The following DOCK2 variants were observed in gnomAD, a reference collection of about 807,000 sequenced individuals.
DOCK2 encodes the protein dedicator of cytokinesis protein 2.
Under a neutral mutation model 248.9 loss-of-function variants are expected in DOCK2, and 87 were observed. That is an observed-to-expected ratio of 0.35 (90% CI 0.29 to 0.42). The LOEUF (loss-of-function observed/expected upper bound fraction) is 0.42. Ranked by LOEUF, DOCK2 falls within the 10% of genes least tolerant of loss-of-function variation. The pLI is 1.00. For missense variants in DOCK2, 1,747 were observed against 2,300.2 expected (o/e 0.76, Z 4.92); for synonymous variants, 805 against 821.6 (o/e 0.98, Z 0.35).
At chr5:169,891,333 T>C (rs1007566664) in intron 27 of DOCK2, among the ~76,000 whole-genome samples, 1 of 152,228 alleles carries the variant, frequency 6.6e-6, no homozygotes, top group Non-Finnish European at 1.5e-5. Context: ...CTCCCATTTA[T>C]TGAAGAACTT....
intron 25 of DOCK2, among the ~76,000 whole-genome samples, chr5:169,778,757 G>T (rs1451612960): frequency 1.3e-5 from 2 of 152,208 alleles, no homozygotes; most frequent in Non-Finnish European, 2.9e-5. Context: ...TTCAGCAATT[G>T]AGAGAAACCC....
chr5:169,865,544 T>C (rs1234825373), intron 27 of DOCK2, among the ~76,000 whole-genome samples: 1 of 152,212 alleles, frequency 6.6e-6, no homozygotes, highest in East Asian at 1.9e-4. Flanking sequence ...CTTAATTGTC[T>C]TTCCTCCATG....
At chr5:169,961,067 T>C (rs1232508047) in intron 27 of DOCK2, among the ~76,000 whole-genome samples, 1 of 152,220 alleles carries the variant, frequency 6.6e-6, no homozygotes, top group Non-Finnish European at 1.5e-5. Flanking sequence ...GTATATTGCA[T>C]GAGTGAGTGA....
intron 26 of DOCK2, among the ~76,000 whole-genome samples, chr5:169,820,889 GCTAA>G (rs908047697): frequency 1.2e-4 from 19 of 152,116 alleles, no homozygotes; most frequent in African/African-American, 4.1e-4. Flanking sequence ...TAGATGAATG[GCTAA>G]CTAGAATAAC....
At chr5:170,022,112 A>C (rs114967959) in intron 33 of DOCK2, among the ~76,000 whole-genome samples, 53 of 152,342 alleles carry the variant, frequency 3.5e-4, no homozygotes, top group African/African-American at 1.3e-3. Flanking sequence ...AGTTTCTTGA[A>C]GTTCTCTAGC....
Position 169,689,347 on chromosome 5 carries a change from C to G in DOCK2, c.843+14C>G. The G allele has an allele frequency of 1.2e-6, 2 of 1,613,606 alleles. No homozygotes were observed. Among genetic ancestry groups the G allele is most frequent in the Non-Finnish European group, 1.7e-6 (2 of 1,179,792 alleles). ...GTGGTCTTCACGGTGAGTGTGCACC[C>G]TCTTCTCGTTACCGTGCTCCCCAAC... On this transcript the variant is annotated intron_variant, in intron 9 of 51. Transcript: ENST00000520908.
intron 26 of DOCK2, among the ~76,000 whole-genome samples, chr5:169,832,777 C>A (rs1769311065): frequency 6.6e-6 from 1 of 152,108 alleles, no homozygotes; most frequent in South Asian, 2.1e-4. Flanking sequence ...TTCCATAGAA[C>A]ACAGAATGGA....
At chr5:169,941,655 G>A (rs746282926) in intron 27 of DOCK2, among the ~76,000 whole-genome samples, 5 of 152,156 alleles carry the variant, frequency 3.3e-5, no homozygotes, top group African/African-American at 1.2e-4. Flanking sequence ...GGACCGTGAC[G>A]GCTCCTCCAG....
At chr5:169,748,925 T>C (rs1272769573) in intron 23 of DOCK2, among the ~76,000 whole-genome samples, 6 of 152,224 alleles carry the variant, frequency 3.9e-5, no homozygotes, top group African/African-American at 1.4e-4. Flanking sequence ...TATAAAAGGA[T>C]AAACTGAGGC....
At chr5:169,724,648 C>G (rs1374705007) in intron 22 of DOCK2, among the ~76,000 whole-genome samples, 1 of 152,172 alleles carries the variant, frequency 6.6e-6, no homozygotes, top group Non-Finnish European at 1.5e-5. Flanking sequence ...CGCCTCCAGT[C>G]TAGCTTACCT....
At chr5:170,012,483 C>T (rs151211296) in intron 32 of DOCK2, among the ~76,000 whole-genome samples, 525 of 152,348 alleles carry the variant, frequency 3.4e-3, no homozygotes, top group Non-Finnish European at 6.3e-3. Context: ...ACAACTTGAG[C>T]AACCCTGTGT....
At position 169,840,737 on chromosome 5, in the gene DOCK2, T is replaced by C. The variant is rs772594001; in HGVS notation, c.2704-20T>C. 5.0e-6 allele frequency: 8 copies of C among 1,611,594 alleles called. No individual in the cohort carries two copies. The highest frequency in any genetic ancestry group is 6.8e-6 in the Non-Finnish European group (8 of 1,178,194). On this transcript the variant is annotated intron_variant, in intron 26 of 51. Coordinates refer to ENST00000520908, the MANE Select transcript of DOCK2 (RefSeq NM_004946.3). ...TGCAGTGTCCTGGTTGTCACATAGA[T>C]GTCTCTGACTGTTTTACAGGCCTTC...
chr5:169,976,705 T>C (rs1777729344), intron 27 of DOCK2, among the ~76,000 whole-genome samples: 1 of 151,748 alleles, frequency 6.6e-6, no homozygotes, highest in African/African-American at 2.4e-5. Context: ...CAGGCCCCTC[T>C]TCGAGCCTTG....
At chr5:169,806,439 GC>G (rs1237829388) in intron 26 of DOCK2, among the ~76,000 whole-genome samples, 2 of 151,988 alleles carry the variant, frequency 1.3e-5, no homozygotes, top group Non-Finnish European at 2.9e-5. Context: ...CACCCGGGGA[GC>G]TTTTTAAAAG....
intron 27 of DOCK2, among the ~76,000 whole-genome samples, chr5:169,858,809 T>C (rs926649616): frequency 6.6e-6 from 1 of 151,974 alleles, no homozygotes; most frequent in African/African-American, 2.4e-5. Flanking sequence ...TGAGACCAGC[T>C]TGGACAACAT....
chr5:169,776,688 T>A (rs1765405262), intron 25 of DOCK2, among the ~76,000 whole-genome samples: 1 of 152,220 alleles, frequency 6.6e-6, no homozygotes. Context: ...CAGGTGAAGA[T>A]AACTGAATCA....
intron 4 of DOCK2, among the ~76,000 whole-genome samples, chr5:169,670,803 A>G (rs1759009647): frequency 6.6e-6 from 1 of 152,220 alleles, no homozygotes; most frequent in Non-Finnish European, 1.5e-5. Context: ...CTGAGGGGGT[A>G]TTAGTTTGGA....
intron 48 of DOCK2, 129 bp downstream of exon 48, chr5:170,077,966 C>A: frequency 1.3e-6 from 1 of 786,408 alleles, no homozygotes; most frequent in Non-Finnish European, 2.0e-6. Context: ...AAAGCCTTTT[C>A]CCATCTGCAG....
chr5:169,654,729 A>C (rs1758006687), intron 2 of DOCK2, among the ~76,000 whole-genome samples: 1 of 152,240 alleles, frequency 6.6e-6, no homozygotes, highest in African/African-American at 2.4e-5. Context: ...TGCTTCAGCC[A>C]TGGGGCTATT....
Sources: gnomAD v4.1 joint callset for allele counts (sites outside exome capture counted in the v4.1 genomes callset) on GRCh38, gnomAD v4.1.1 for gene constraint, MANE v1.5 for transcripts, NCBI Gene and HGNC (gene_info 2026-07-23, HGNC 2026-07-21) for gene names.